Variants in ENKUR observed in about 807,000 individuals in gnomAD.
The protein encoded by ENKUR is enkurin.
In ENKUR, 19 loss-of-function variants were observed where a neutral mutation model predicts 27.6. The ratio of observed to expected loss-of-function variants is 0.69; its 90% CI spans 0.48 to 1.01. The LOEUF (loss-of-function observed/expected upper bound fraction) is 1.01. Ranked by LOEUF, ENKUR falls within the 50% of genes least tolerant of loss-of-function variation. ENKUR has a pLI of 0.00. For synonymous variants in ENKUR, 117 were observed against 96.9 expected (o/e 1.21, Z -1.22); for missense variants, 312 against 310.5 (o/e 1.00, Z -0.04).
At position 25,027,356 on chromosome 10, in the gene ENKUR, T is replaced by TTAAAAAAAAAAAAA. The variant is rs1564352066; in HGVS notation, c.38-31488_38-31487insTTTTTTTTTTTTTA. On this transcript the variant is annotated intron_variant, in intron 2 of 5. Coordinates refer to the ENKUR transcript ENST00000615958. ...TGGGTGACAGAGCAAGACTCCCGTC[T>TTAAAAAAAAAAAAA]CAAAAAAAAAAAAAAAAAAAAAAAA... 6.6e-5 allele frequency among the ~76,000 whole-genome samples: 3 copies of TTAAAAAAAAAAAAA among 45,730 alleles called. No homozygotes were observed. The East Asian group carries it at 1.8e-3, about 27-fold the overall frequency. 30.0% of individuals were successfully genotyped at this position (45,730 alleles called of 152,430 possible).
At chr10:25,017,630 T>C (rs1344974889), upstream of ENKUR, among the ~76,000 whole-genome samples, 1 of 152,126 alleles carries the variant, frequency 6.6e-6, no homozygotes, top group African/African-American at 2.4e-5. Flanking sequence ...TCTTTTTTTT[T>C]TTTTTGTATA....
intron 2 of ENKUR, among the ~76,000 whole-genome samples, chr10:24,999,060 C>G (rs1398085193): frequency 6.6e-6 from 1 of 152,142 alleles, no homozygotes; most frequent in African/African-American, 2.4e-5. Flanking sequence ...AGATGCTGGG[C>G]AATCTTGCCC....
chr10:24,998,358 CCTCT>C (rs34059986), intron 2 of ENKUR, among the ~76,000 whole-genome samples: 4,141 of 117,272 alleles, frequency 0.035, 220 homozygotes, highest in African/African-American at 0.12. Flanking sequence ...TTCCTTCCTT[CCTCT>C]CTCTCTCTCT....
Position 25,034,182 on chromosome 10 carries a change from A to G in ENKUR, c.37+26930T>C, listed in dbSNP as rs567821918. ...ATTTTTATTTGTAATTTTGTGTTAC[A>G]GATTGTTTATATCAGTAAAATTTAT... On this transcript the variant is annotated intron_variant, in intron 2 of 5. Transcript: ENST00000615958. Among the ~76,000 whole-genome samples the G allele has an allele frequency of 2.6e-5, 4 of 152,302 alleles. No homozygotes were observed. The South Asian group carries it at 8.3e-4, about 32-fold the overall frequency.
In ENKUR at chr10:25,053,093, AG is replaced by A. The variant is rs1315244099; in HGVS notation, c.37+8018del. Among the ~76,000 whole-genome samples the A allele has an allele frequency of 2.7e-4, 41 of 149,432 alleles. No homozygotes were observed. In the Admixed American group the frequency reaches 2.8e-3, roughly 10 times the overall value. On this transcript the variant is annotated intron_variant, in intron 2 of 5. Transcript: ENST00000615958. ...TTGTCTCTTTAAAAAAAAAAAAAAAAGGACTGGAGGAAATAAAATGGGAGGA... is the reference window on the plus strand; with the variant it reads ...TTGTCTCTTTAAAAAAAAAAAAAAAAGACTGGAGGAAATAAAATGGGAGGA...
chr10:24,991,074 G>A (rs990164839), intron 3 of ENKUR, among the ~76,000 whole-genome samples: 18 of 152,196 alleles, frequency 1.2e-4, no homozygotes, highest in African/African-American at 4.1e-4. Context: ...TCCAGCCTGG[G>A]TGTCAGAGTG....
chr10:24,998,839 G>A (rs1850123029), intron 2 of ENKUR, among the ~76,000 whole-genome samples: 1 of 152,130 alleles, frequency 6.6e-6, no homozygotes, highest in Non-Finnish European at 1.5e-5. Context: ...TACAGCAAGA[G>A]CACAGCATTA....
Position 25,060,898 on chromosome 10 carries a change from G to A in ENKUR, c.37+214C>T, listed in dbSNP as rs117652783. Among the ~76,000 whole-genome samples the A allele has an allele frequency of 2.7e-3, 412 of 149,896 alleles. 2 individuals carry two copies. Among genetic ancestry groups the A allele is most frequent in the Non-Finnish European group, 4.6e-3 (311 of 67,312 alleles). On this transcript the variant is annotated intron_variant, in intron 2 of 5. Transcript: ENST00000615958. The stretch of plus-strand genomic sequence containing the variant: ...AATTTAAAAAGTTTTTTTTTTTTTA[G>A]AGACAAGATCTCACCATGTTTCCCA...
chr10:25,049,550 G>A (rs1415148469), intron 2 of ENKUR, among the ~76,000 whole-genome samples: 1 of 152,160 alleles, frequency 6.6e-6, no homozygotes, highest in African/African-American at 2.4e-5. Context: ...CACTTTGGGA[G>A]GCTGAAGCAG....
intron 2 of ENKUR, among the ~76,000 whole-genome samples, chr10:25,060,926 C>G (rs1184316608): frequency 6.6e-6 from 1 of 151,830 alleles, no homozygotes; most frequent in African/African-American, 2.4e-5. Flanking sequence ...GTTTCCCAGG[C>G]TGGTCTTGAA....
At chr10:25,013,538 A>T (rs571682397) in intron 1 of ENKUR, among the ~76,000 whole-genome samples, 1 of 152,356 alleles carries the variant, frequency 6.6e-6, no homozygotes, top group East Asian at 1.9e-4. Context: ...GCCAAGAATT[A>T]TGGAAAGGAG....
At chr10:24,989,373 C>T (rs1849875955) in intron 4 of ENKUR, among the ~76,000 whole-genome samples, 1 of 152,226 alleles carries the variant, frequency 6.6e-6, no homozygotes, top group Non-Finnish European at 1.5e-5. Flanking sequence ...AGCAAAGAGA[C>T]ACCGTCCTTG....
At chr10:25,038,821 G>A (rs1396750383) in intron 2 of ENKUR, among the ~76,000 whole-genome samples, 8 of 152,194 alleles carry the variant, frequency 5.3e-5, no homozygotes, top group Non-Finnish European at 7.4e-5. Flanking sequence ...ATGGTAAAAG[G>A]TATCTGTTTC....
chr10:25,060,719 T>G (rs573819718), intron 2 of ENKUR, among the ~76,000 whole-genome samples: 22 of 152,188 alleles, frequency 1.4e-4, no homozygotes, highest in Admixed American at 1.4e-3. Context: ...GTGTTTTTGT[T>G]TTTTTAGAGA....
In ENKUR at chr10:24,990,529, G is replaced by C. The variant is rs201143784; in HGVS notation, c.528C>G (p.Ile176Met). 106 of 1,613,918 alleles carry C rather than the reference G, an allele frequency of 6.6e-5. No homozygotes were observed. The highest frequency in any genetic ancestry group is 8.6e-5 in the Non-Finnish European group (101 of 1,179,996). ...KKAQEDYDRY[I>M]QENLKKAAMK... ...TAGCTGCTTTCTTAAGGTTTTCCTGGATATAACGATCATAGTCTTCTTGGG... is the reference window on the plus strand; with the variant it reads ...TAGCTGCTTTCTTAAGGTTTTCCTGCATATAACGATCATAGTCTTCTTGGG... Residue 176 changes from isoleucine (I) to methionine (M), a missense_variant, in exon 4 of 6, where the codon ATC (isoleucine) becomes ATG (methionine). By Grantham distance (10) the Ile-to-Met change is conservative. Transcript: ENST00000331161.
chr10:25,059,738 T>A (rs1180582973), intron 2 of ENKUR, among the ~76,000 whole-genome samples: 1 of 152,074 alleles, frequency 6.6e-6, no homozygotes, highest in Non-Finnish European at 1.5e-5. Context: ...AGAAAATTGC[T>A]TGAACAACCC....
intron 3 of ENKUR, among the ~76,000 whole-genome samples, chr10:24,994,002 G>A (rs78416740): frequency 6.6e-6 from 1 of 152,002 alleles, no homozygotes; most frequent in Non-Finnish European, 1.5e-5. Context: ...CAGTTTCCAG[G>A]GGCCACAGAA....
At chr10:25,061,351 C>T (rs1851325587) in exon 2 of ENKUR, 1 of 578,368 alleles carries the variant, frequency 1.7e-6, no homozygotes, top group African/African-American at 1.9e-5. Context: ...TCCTTCTGTT[C>T]CATTTTGCTT....
chr10:25,024,699 T>C (rs1850807617), intron 2 of ENKUR: 11 of 1,614,260 alleles, frequency 6.8e-6, no homozygotes, highest in Middle Eastern at 1.6e-4. Context: ...ATCTTGTTAG[T>C]CAAGGATTTA....
Sources: allele counts gnomAD v4.1 joint callset (sites outside exome capture counted in the v4.1 genomes callset), GRCh38; gene constraint gnomAD v4.1.1; transcripts MANE v1.5; gene names NCBI Gene and HGNC (gene_info 2026-07-23, HGNC 2026-07-21).